Variants in INSIG2 observed in about 807,000 individuals in gnomAD.
INSIG2 encodes insulin-induced gene 2 protein.
A neutral mutation model predicts 27.2 loss-of-function variants in INSIG2; 10 were observed. That is an observed-to-expected ratio of 0.37 (90% CI 0.23 to 0.62). The LOEUF (loss-of-function observed/expected upper bound fraction) is 0.62, where lower values mean the gene tolerates loss of function less well. Among genes scored for constraint, INSIG2 ranks in the 20% least tolerant of loss-of-function variants. The probability of loss-of-function intolerance (pLI) is 0.65; values close to 1 mark genes in which losing one functional copy is unlikely to be tolerated. For synonymous variants in INSIG2, 97 were observed against 95.8 expected, an observed-to-expected ratio of 1.01 and a Z score of -0.07; for missense variants, 178 against 270.2, an observed-to-expected ratio of 0.66 and a Z score of 2.39.
At position 118,109,319 on chromosome 2, in the gene INSIG2, T is replaced by C. The variant is rs1678755563; in HGVS notation, c.*997T>C. 1 of 152,192 alleles carries C rather than the reference T, an allele frequency of 6.6e-6. No homozygotes were observed. The highest frequency in any genetic ancestry group is 2.4e-5 in the African/African-American group (1 of 41,450). The allele number at this position is 152,192 out of a possible 1,614,324, so 9.4% of individuals were successfully genotyped here. A position where few individuals can be genotyped will look rare whatever the true frequency, so the allele number is the denominator to read the frequency against. On this transcript the variant is annotated 3_prime_UTR_variant, in exon 6 of 6. Transcript: ENST00000245787. ...CTTTAGCTGGGTTCAGTCATATGAC[T>C]CGTTGGTGGAATGCCTAGGTTTTTC... is the stretch of plus-strand genomic sequence containing the variant.
chr2:118,093,689 A>AGGAG (rs1558832591), intron 1 of INSIG2, among the ~76,000 whole-genome samples: 47 of 125,338 alleles, frequency 3.7e-4, no homozygotes, highest in Non-Finnish European at 6.3e-4. Context: ...GAGGAGGAGG[A>AGGAG]GAGTTCTGTA....
intron 1 of INSIG2, among the ~76,000 whole-genome samples, chr2:118,091,663 T>C (rs185761974): frequency 6.6e-6 from 1 of 152,360 alleles, no homozygotes; most frequent in East Asian, 1.9e-4. Flanking sequence ...TATATACTAT[T>C]GTATTATGAT....
Position 118,110,041 on chromosome 2 carries a change from TTTC to T in INSIG2, c.*1725_*1727del, listed in dbSNP as rs1353357509. 1 of 152,604 alleles carries T rather than the reference TTTC, an allele frequency of 6.6e-6. No homozygotes were observed. The highest frequency in any genetic ancestry group is 1.5e-5 in the Non-Finnish European group (1 of 68,028). The allele number at this position is 152,604 out of a possible 1,614,324, so 9.5% of individuals were successfully genotyped here. ...TTATCATCTGGGTTAAGAGTCTGTT[TTTC>T]TTCTTTGTGGTAAGTCTTAGAATAT... On this transcript the variant is annotated 3_prime_UTR_variant, in exon 6 of 6. Transcript: ENST00000245787.
chr2:118,093,694 T>G, intron 1 of INSIG2, among the ~76,000 whole-genome samples: 4 of 96,594 alleles, frequency 4.1e-5, no homozygotes, highest in Non-Finnish European at 6.1e-5. Flanking sequence ...GGAGGAGAGT[T>G]CTGTAGCTAC....
intron 1 of INSIG2, among the ~76,000 whole-genome samples, chr2:118,091,488 T>C (rs1246596453): frequency 6.6e-6 from 1 of 152,216 alleles, no homozygotes; most frequent in African/African-American, 2.4e-5. Context: ...ATCATGGACT[T>C]TTTTGAGTAC....
intron 2 of INSIG2, among the ~76,000 whole-genome samples, chr2:118,100,297 G>T (rs556958787): frequency 2.6e-5 from 4 of 151,754 alleles, no homozygotes; most frequent in African/African-American, 9.7e-5. Context: ...TGTCCTGTCA[G>T]CTGCCCTTAA....
intron 3 of INSIG2, among the ~76,000 whole-genome samples, chr2:118,104,371 G>A (rs1678622764): frequency 6.6e-6 from 1 of 152,170 alleles, no homozygotes; most frequent in Non-Finnish European, 1.5e-5. Flanking sequence ...AAACACATCT[G>A]CCTTCCTCTG....
At chr2:118,106,183 T>G (rs1678667139) in intron 3 of INSIG2, among the ~76,000 whole-genome samples, 1 of 152,240 alleles carries the variant, frequency 6.6e-6, no homozygotes, top group East Asian at 1.9e-4. Flanking sequence ...TACTGTGTCC[T>G]TGGTACTCTT....
chr2:118,088,598 T>G (rs564251951), intron 1 of INSIG2, 57 bp downstream of exon 1: 1 of 152,658 alleles, frequency 6.6e-6, no homozygotes, highest in Non-Finnish European at 1.5e-5. Context: ...GAAAGCGGCC[T>G]GAGGAGGAGG....
In INSIG2 at chr2:118,110,924, A is replaced by G. The variant is rs1374454378; in HGVS notation, c.*2602A>G. 1 of 152,210 alleles carries G rather than the reference A, an allele frequency of 6.6e-6. No homozygotes were observed. Among genetic ancestry groups the G allele is most frequent in the Non-Finnish European group, 1.5e-5 (1 of 68,020 alleles). The allele number at this position is 152,210 out of a possible 1,614,324, so 9.4% of individuals were successfully genotyped here. ...CCATTGGGACCTCTCAATGATGCAT[A>G]TGTTTCATACATCTTGTATTTTCCA... On this transcript the variant is annotated 3_prime_UTR_variant, in exon 6 of 6. Transcript: ENST00000245787.
intron 1 of INSIG2, among the ~76,000 whole-genome samples, chr2:118,095,974 A>G (rs1399959822): frequency 6.6e-6 from 1 of 152,246 alleles, no homozygotes; most frequent in Non-Finnish European, 1.5e-5. Context: ...TGCAAAATAT[A>G]CAGCGTCTTC....
chr2:118,090,816 A>G (rs1168076777), intron 1 of INSIG2, among the ~76,000 whole-genome samples: 1 of 152,238 alleles, frequency 6.6e-6, no homozygotes, highest in Non-Finnish European at 1.5e-5. Context: ...ACATGGGGTC[A>G]GAGTGGGTGA....
intron 1 of INSIG2, among the ~76,000 whole-genome samples, chr2:118,090,732 C>G (rs1678204750): frequency 6.6e-6 from 1 of 152,120 alleles, no homozygotes; most frequent in African/African-American, 2.4e-5. Context: ...AAAACGGTTT[C>G]TTGTGTGGCA....
chr2:118,105,083 C>G (rs1558836982), intron 3 of INSIG2, among the ~76,000 whole-genome samples: 1 of 152,138 alleles, frequency 6.6e-6, no homozygotes, highest in Non-Finnish European at 1.5e-5. Flanking sequence ...CTCTGTCACC[C>G]AGGCTGGAAT....
intron 3 of INSIG2, among the ~76,000 whole-genome samples, chr2:118,104,367 A>G (rs1291452074): frequency 2.0e-5 from 3 of 152,192 alleles, no homozygotes; most frequent in Non-Finnish European, 2.9e-5. Flanking sequence ...CTGAAAACAC[A>G]TCTGCCTTCC....
chr2:118,093,293 AT>A (rs1678307307), intron 1 of INSIG2, among the ~76,000 whole-genome samples: 1 of 68,564 alleles, frequency 1.5e-5, no homozygotes, highest in Non-Finnish European at 2.8e-5. Context: ...CAACCAGATG[AT>A]GATGATGAGG....
rs1409460261 is a variant in INSIG2 at position 118,107,063 on chromosome 2, G to T, written c.537-27G>T. ...AAGTGTCATTGCAGTTCCTCTGTGG[G>T]TATTAAAGACATGTCTGTTATTCTA... On this transcript the variant is annotated intron_variant, in intron 4 of 5. Transcript: ENST00000245787. 2.6e-6 allele frequency: 4 copies of T among 1,511,538 alleles called. No individual in the cohort carries two copies. The Admixed American group carries it at 6.7e-5, about 25-fold the overall frequency. The allele number at this position is 1,511,538 out of a possible 1,614,324, so 93.6% of individuals were successfully genotyped here.
chr2:118,096,436 A>C lies in INSIG2; in HGVS notation c.-121A>C. 2 of 945,860 alleles carry C rather than the reference A, an allele frequency of 2.1e-6. No individual in the cohort carries two copies. Among genetic ancestry groups the C allele is most frequent in the Non-Finnish European group, 3.1e-6 (2 of 644,070 alleles). 58.6% of individuals were successfully genotyped at this position (945,860 alleles called of 1,614,324 possible). A position where few individuals can be genotyped will look rare whatever the true frequency, so the allele number is the denominator to read the frequency against. ...TCTTGCAGGATTTCTGGTAGGTCCT[A>C]CTTTAGGACAAGATGTGGTACCGTT... On this transcript the variant is annotated 5_prime_UTR_variant, in exon 2 of 6. Coordinates refer to ENST00000245787, the MANE Select transcript of INSIG2 (RefSeq NM_016133.4).
chr2:118,106,658 G>A, intron 3 of INSIG2, 79 bp from the exon 4 acceptor site: 1 of 1,106,548 alleles, frequency 9.0e-7, no homozygotes, highest in Non-Finnish European at 1.3e-6. Flanking sequence ...CTCAACAGAG[G>A]CATCTCTTAT....
Sources: gnomAD v4.1 joint callset for allele counts (sites outside exome capture counted in the v4.1 genomes callset) on GRCh38, gnomAD v4.1.1 for gene constraint, MANE v1.5 for transcripts, NCBI Gene and HGNC (gene_info 2026-07-23, HGNC 2026-07-21) for gene names.